Variants in PDE1C observed in about 807,000 individuals in gnomAD.
PDE1C encodes phosphodiesterase 1C.
In PDE1C, 62 loss-of-function variants were observed where a neutral mutation model predicts 93.1. The ratio of observed to expected loss-of-function variants is 0.67; its 90% CI spans 0.54 to 0.82. PDE1C has a LOEUF of 0.82. Among genes scored for constraint, PDE1C ranks in the 40% least tolerant of loss-of-function variants. The pLI, the probability that PDE1C is intolerant of heterozygous loss-of-function variation, is 0.00. For synonymous variants in PDE1C, 325 were observed against 310.1 expected (o/e 1.05, Z -0.50); for missense variants, 742 against 884.6 (o/e 0.84, Z 2.04).
At chr7:31,929,304 T>C (rs1007729708) in intron 2 of PDE1C, among the ~76,000 whole-genome samples, 65 of 152,182 alleles carry the variant, frequency 4.3e-4, no homozygotes, top group Non-Finnish European at 7.3e-4. Context: ...CTTAGAGACC[T>C]ACAAAGAGAC....
chr7:31,981,762 A>C (rs1007931873), intron 2 of PDE1C, among the ~76,000 whole-genome samples: 19 of 152,242 alleles, frequency 1.2e-4, no homozygotes, highest in African/African-American at 4.6e-4. Context: ...CACATGAAAG[A>C]GGAAATAACA....
intron 2 of PDE1C, among the ~76,000 whole-genome samples, chr7:31,890,075 C>A (rs150749770): frequency 6.6e-6 from 1 of 152,044 alleles, no homozygotes; most frequent in South Asian, 2.1e-4. Flanking sequence ...GGCGAGCAGA[C>A]CTTATTGGGA....
At chr7:31,646,803 G>A in the PDE1C span, among the ~76,000 whole-genome samples, 1 of 152,088 alleles carries the variant, frequency 6.6e-6, no homozygotes, top group African/African-American at 2.4e-5. Context: ...GGGTGTGAGG[G>A]CCACCATCCG....
At chr7:31,804,526 A>C (rs1117825) in intron 16 of PDE1C, among the ~76,000 whole-genome samples, 64,859 of 151,540 alleles carry the variant, frequency 0.43, 14,773 homozygotes, top group African/African-American at 0.59. Flanking sequence ...TAGTGCTGAA[A>C]CCTATATGTA....
At chr7:32,329,255 G>A (rs747612413) in intron 1 of PDE1C, among the ~76,000 whole-genome samples, 8 of 152,008 alleles carry the variant, frequency 5.3e-5, no homozygotes, top group African/African-American at 1.4e-4. Flanking sequence ...TATCTCTCTC[G>A]GGGAGACCTA....
downstream of PDE1C, among the ~76,000 whole-genome samples, chr7:31,746,367 G>A (rs551538166): frequency 1.3e-5 from 2 of 152,282 alleles, no homozygotes; most frequent in South Asian, 4.1e-4. Flanking sequence ...AAATATAGAC[G>A]TCAGGGAGAA....
chr7:32,346,580 T>C (rs1283913423), intron 1 of PDE1C, among the ~76,000 whole-genome samples: 2 of 152,082 alleles, frequency 1.3e-5, no homozygotes, highest in Non-Finnish European at 1.5e-5. Context: ...AGCAAACAAG[T>C]AACACCATGG....
intron 3 of PDE1C, among the ~76,000 whole-genome samples, chr7:32,145,868 G>A (rs1274758737): frequency 4.6e-5 from 7 of 152,192 alleles, no homozygotes; most frequent in South Asian, 4.2e-4. Context: ...TTCTGACTCC[G>A]AGAACAGTGA....
chr7:32,118,784 C>T (rs1032040650), intron 3 of PDE1C, among the ~76,000 whole-genome samples: 1 of 152,206 alleles, frequency 6.6e-6, no homozygotes, highest in Non-Finnish European at 1.5e-5. Flanking sequence ...AAAGGTCCTA[C>T]TTCTTAATAC....
chr7:31,997,200 A>G (rs1784825329), intron 2 of PDE1C, among the ~76,000 whole-genome samples: 1 of 152,206 alleles, frequency 6.6e-6, no homozygotes, highest in Non-Finnish European at 1.5e-5. Flanking sequence ...ATTAGGAACT[A>G]CAACATTGGA....
chr7:32,228,286 G>A (rs575756809), intron 1 of PDE1C, among the ~76,000 whole-genome samples: 1 of 152,316 alleles, frequency 6.6e-6, no homozygotes, highest in Non-Finnish European at 1.5e-5. Flanking sequence ...CTGCATAGGG[G>A]ATTGTGTGCT....
intron 1 of PDE1C, among the ~76,000 whole-genome samples, chr7:32,400,908 A>C (rs1784929510): frequency 6.6e-6 from 1 of 152,230 alleles, no homozygotes; most frequent in Non-Finnish European, 1.5e-5. Flanking sequence ...AAAGTCACCC[A>C]GGTGACCTGT....
intron 1 of PDE1C, among the ~76,000 whole-genome samples, chr7:32,292,821 T>C (rs774830928): frequency 6.6e-6 from 1 of 152,198 alleles, no homozygotes; most frequent in South Asian, 2.1e-4. Flanking sequence ...CACTCCCAAC[T>C]TCCCCATGGC....
At chr7:31,742,884 C>T in the PDE1C span, among the ~76,000 whole-genome samples, 1 of 152,166 alleles carries the variant, frequency 6.6e-6, no homozygotes, top group Non-Finnish European at 1.5e-5. Context: ...CTTCACCTTC[C>T]CCACCCTACT....
chr7:32,206,388 T>C (rs1467536287), intron 2 of PDE1C, among the ~76,000 whole-genome samples: 3 of 152,120 alleles, frequency 2.0e-5, no homozygotes, highest in Non-Finnish European at 4.4e-5. Context: ...GCTGACTGTC[T>C]AATAGAGACC....
intron 17 of PDE1C, among the ~76,000 whole-genome samples, chr7:31,759,114 C>T (rs1317045109): frequency 6.6e-6 from 1 of 152,170 alleles, no homozygotes; most frequent in East Asian, 1.9e-4. Flanking sequence ...GCTGCTGTCA[C>T]CCTCACTCAA....
intron 6 of PDE1C, among the ~76,000 whole-genome samples, chr7:31,865,496 G>T (rs1473208542): frequency 6.6e-6 from 1 of 152,142 alleles, no homozygotes; most frequent in Non-Finnish European, 1.5e-5. Flanking sequence ...GGGAAAAAAA[G>T]ATGCTACATA....
the PDE1C span, among the ~76,000 whole-genome samples, chr7:31,636,401 G>A: frequency 3.3e-5 from 5 of 152,184 alleles, no homozygotes; most frequent in Non-Finnish European, 7.3e-5. Flanking sequence ...TTATATTCAA[G>A]AATAGTAACT....
intron 16 of PDE1C, among the ~76,000 whole-genome samples, chr7:31,791,869 T>A (rs143858010): frequency 1.6e-3 from 246 of 152,036 alleles, no homozygotes; most frequent in African/African-American, 5.5e-3. Flanking sequence ...CTTAATGAAA[T>A]CCAAAGGCTG....
Sources: gnomAD v4.1 joint callset for allele counts (sites outside exome capture counted in the v4.1 genomes callset) on GRCh38, gnomAD v4.1.1 for gene constraint, MANE v1.5 for transcripts, NCBI Gene and HGNC (gene_info 2026-07-23, HGNC 2026-07-21) for gene names.